NRXN3: variants seen among roughly 807,000 people sequenced by gnomAD.
NRXN3 encodes neurexin III.
In NRXN3, 32 loss-of-function variants were observed where a neutral mutation model predicts 137.6. The observed-to-expected ratio is 0.23, with a 90% confidence interval of 0.18 to 0.31. The LOEUF (loss-of-function observed/expected upper bound fraction) is 0.31. NRXN3 is among the 10% of genes least tolerant of loss of function. NRXN3 has a pLI of 1.00. For synonymous variants in NRXN3, 798 were observed against 784.5 expected (o/e 1.02, Z -0.29); for missense variants, 1,574 against 2,062.5 (o/e 0.76, Z 4.59).
At chr14:78,497,401 C>T (rs2153765728) in intron 4 of NRXN3, among the ~76,000 whole-genome samples, 1 of 152,184 alleles carries the variant, frequency 6.6e-6, no homozygotes, top group East Asian at 1.9e-4. Flanking sequence ...AATGTACCTA[C>T]CCACCACCTA....
intron 14 of NRXN3, among the ~76,000 whole-genome samples, chr14:78,979,416 T>C (rs909725449): frequency 2.6e-5 from 4 of 152,204 alleles, no homozygotes; most frequent in Non-Finnish European, 5.9e-5. Flanking sequence ...TATAGACTTA[T>C]TTATATGAGA....
intron 15 of NRXN3, among the ~76,000 whole-genome samples, chr14:79,284,339 AATACATATATATATATATATAT>A (rs1455849104): frequency 1.6e-5 from 1 of 62,500 alleles, no homozygotes; most frequent in East Asian, 4.8e-4. Flanking sequence ...CTCTACTAAA[AATACATATATATATATATATAT>A]ATATATATAT....
At chr14:78,694,374 T>C (rs1169500544) in intron 6 of NRXN3, among the ~76,000 whole-genome samples, 2 of 151,962 alleles carry the variant, frequency 1.3e-5, no homozygotes, top group Admixed American at 6.6e-5. Context: ...GACTCTTTTC[T>C]GCTTGTAGGC....
intron 15 of NRXN3, among the ~76,000 whole-genome samples, chr14:79,211,613 G>A (rs935234597): frequency 2.0e-5 from 3 of 152,122 alleles, no homozygotes; most frequent in South Asian, 2.1e-4. Context: ...GTTCAGATGT[G>A]AATCCAGTTC....
intron 4 of NRXN3, among the ~76,000 whole-genome samples, chr14:78,310,876 T>C (rs140296200): frequency 7.7e-4 from 117 of 152,240 alleles, no homozygotes; most frequent in African/African-American, 2.6e-3. Context: ...AGAGGATCTA[T>C]TGAGACAATA....
At chr14:78,526,527 C>T (rs751182884) in intron 4 of NRXN3, among the ~76,000 whole-genome samples, 1 of 152,168 alleles carries the variant, frequency 6.6e-6, no homozygotes, top group Non-Finnish European at 1.5e-5. Flanking sequence ...CTACTTTAAG[C>T]ACTGGGCTAA....
intron 15 of NRXN3, among the ~76,000 whole-genome samples, chr14:79,022,255 C>CT (rs1207557821): frequency 2.0e-5 from 3 of 152,086 alleles, no homozygotes; most frequent in Admixed American, 1.3e-4. Context: ...TTACTGCAAG[C>CT]TTTTGGAAGA....
chr14:78,998,762 C>CTT (rs1237108042), intron 15 of NRXN3, among the ~76,000 whole-genome samples: 1,953 of 119,766 alleles, frequency 0.016, 63 homozygotes, highest in African/African-American at 0.05. Flanking sequence ...CCATGCCCAG[C>CTT]TTTTTTTTTT....
intron 15 of NRXN3, among the ~76,000 whole-genome samples, chr14:79,034,101 A>G (rs1464541919): frequency 6.6e-6 from 1 of 152,076 alleles, no homozygotes. Context: ...CTTAATTAAA[A>G]TGACTGATTC....
intron 16 of NRXN3, among the ~76,000 whole-genome samples, chr14:79,564,170 A>T (rs1214354493): frequency 7.3e-5 from 8 of 110,280 alleles, no homozygotes; most frequent in African/African-American, 1.2e-4. Flanking sequence ...CAAAAAGATT[A>T]AAAAAAAAAA....
chr14:79,056,806 T>C (rs1276022636), intron 15 of NRXN3, among the ~76,000 whole-genome samples: 1 of 152,216 alleles, frequency 6.6e-6, no homozygotes, highest in South Asian at 2.1e-4. Flanking sequence ...CAATAAGTAC[T>C]GGGACTATGG....
rs115366584 is a variant in NRXN3, at chr14:78,748,534, T to A, written c.2044+33395T>A. 5.4e-3 allele frequency among the ~76,000 whole-genome samples: 824 copies of A among 152,164 alleles called. 7 individuals are homozygous for A. Among genetic ancestry groups the A allele is most frequent in the African/African-American group, 0.019 (793 of 41,526 alleles). The stretch of plus-strand genomic sequence containing the variant: ...TGAGGAATTGGTATAATATGAAATT[T>A]AAAAAAATTATCCTAATTGCAGTGG... On this transcript the variant is annotated intron_variant, in intron 8 of 20. Coordinates refer to ENST00000335750, the MANE Select transcript of NRXN3 (RefSeq NM_001330195.2).
At position 78,748,198 on chromosome 14, in the gene NRXN3, A is replaced by T. The variant is rs562849770; in HGVS notation, c.2044+33059A>T. On this transcript the variant is annotated intron_variant, in intron 8 of 20. Coordinates refer to ENST00000335750, the MANE Select transcript of NRXN3 (RefSeq NM_001330195.2). Reference sequence around the variant, plus strand: ...GACAGAACCCCTTTCTTTACAGAGCATATATGATGATGTCATCTCAAGGGG... The same window carrying T: ...GACAGAACCCCTTTCTTTACAGAGCTTATATGATGATGTCATCTCAAGGGG... Among the ~76,000 whole-genome samples, 257 of 152,282 alleles carry T rather than the reference A, an allele frequency of 1.7e-3. 1 individual carries two copies. The Middle Eastern group carries it at 0.017, about 10-fold the overall frequency.
At chr14:78,293,687 A>G (rs2076029297) in intron 3 of NRXN3, among the ~76,000 whole-genome samples, 1 of 152,132 alleles carries the variant, frequency 6.6e-6, no homozygotes. Flanking sequence ...TTCTTCAATA[A>G]CATCTTCCTT....
intron 8 of NRXN3, among the ~76,000 whole-genome samples, chr14:78,761,319 T>A (rs1037999923): frequency 6.6e-5 from 10 of 152,146 alleles, no homozygotes; most frequent in Non-Finnish European, 1.0e-4. Flanking sequence ...CTGTTGCTGA[T>A]AAAGTCAAGA....
At chr14:79,569,701 C>T (rs1030996813) in intron 16 of NRXN3, among the ~76,000 whole-genome samples, 6 of 151,846 alleles carry the variant, frequency 4.0e-5, no homozygotes, top group Admixed American at 2.6e-4. Flanking sequence ...CTCCGTCTCC[C>T]GGGTTCAAGT....
At chr14:79,692,607 C>G (rs965637938) in intron 18 of NRXN3, among the ~76,000 whole-genome samples, 3 of 152,000 alleles carry the variant, frequency 2.0e-5, no homozygotes, top group African/African-American at 7.2e-5. Context: ...TACACCAAAG[C>G]TTTCTAAAGA....
chr14:79,462,871 T>TATATGTACATACACATATGTATATGG, intron 15 of NRXN3, among the ~76,000 whole-genome samples: 1 of 151,804 alleles, frequency 6.6e-6, no homozygotes, highest in South Asian at 2.1e-4. Context: ...AATGTATATG[T>TATATGTACATACACATATGTATATGG]ATATGTACAT....
chr14:78,695,389 T>G (rs1000367684), intron 6 of NRXN3: 2 of 152,062 alleles, frequency 1.3e-5, no homozygotes, highest in African/African-American at 4.8e-5. Flanking sequence ...TTTTGTAGAT[T>G]CAAAGTGCTT....
Sources: gnomAD v4.1 joint callset for allele counts (sites outside exome capture counted in the v4.1 genomes callset) on GRCh38, gnomAD v4.1.1 for gene constraint, MANE v1.5 for transcripts, NCBI Gene and HGNC (gene_info 2026-07-23, HGNC 2026-07-21) for gene names.